The following ATXN1 variants were observed in gnomAD, a reference collection of about 807,000 sequenced individuals.
The protein encoded by ATXN1 is ataxin 1.
Under a neutral mutation model 56.4 loss-of-function variants are expected in ATXN1, and 8 were observed. The ratio of observed to expected loss-of-function variants is 0.14; its 90% CI spans 0.08 to 0.26. The LOEUF (loss-of-function observed/expected upper bound fraction) is 0.26. Ranked by LOEUF, ATXN1 falls within the 10% of genes least tolerant of loss-of-function variation. ATXN1 has a pLI of 1.00. For synonymous variants in ATXN1, 514 were observed against 494.6 expected, an observed-to-expected ratio of 1.04 and a Z score of -0.52; for missense variants, 987 against 1,106.5, an observed-to-expected ratio of 0.89 and a Z score of 1.53.
At chr6:16,529,642 A>T (rs902514166) in intron 4 of ATXN1, among the ~76,000 whole-genome samples, 1 of 152,074 alleles carries the variant, frequency 6.6e-6, no homozygotes, top group Non-Finnish European at 1.5e-5. Context: ...ATTTTATCCA[A>T]CTTTTTTCAT....
At chr6:16,622,195 G>A (rs1763330683) in intron 3 of ATXN1, among the ~76,000 whole-genome samples, 1 of 152,162 alleles carries the variant, frequency 6.6e-6, no homozygotes, top group South Asian at 2.1e-4. Context: ...GTATGTGTAA[G>A]TGCAATAAGG....
chr6:16,449,896 G>T (rs1180168030), intron 6 of ATXN1, among the ~76,000 whole-genome samples: 1 of 152,238 alleles, frequency 6.6e-6, no homozygotes, highest in Admixed American at 6.5e-5. Flanking sequence ...GGAAACTGAA[G>T]TTAAAGAAGA....
chr6:16,474,148 T>C (rs920009679), intron 6 of ATXN1, among the ~76,000 whole-genome samples: 3 of 152,260 alleles, frequency 2.0e-5, no homozygotes, highest in East Asian at 1.9e-4. Context: ...CAACATGCCA[T>C]GTTCTCTCTT....
intron 2 of ATXN1, among the ~76,000 whole-genome samples, chr6:16,672,509 C>T (rs997637932): frequency 6.6e-6 from 1 of 152,042 alleles, no homozygotes; most frequent in African/African-American, 2.4e-5. Context: ...GTGGTAAAAG[C>T]GATTTCACAG....
chr6:16,408,165 T>A (rs1758724183), intron 6 of ATXN1, among the ~76,000 whole-genome samples: 1 of 152,022 alleles, frequency 6.6e-6, no homozygotes, highest in African/African-American at 2.4e-5. Flanking sequence ...AAGAGAACTT[T>A]CACCACTCAG....
At chr6:16,430,724 C>CGT (rs1292127839) in intron 6 of ATXN1, among the ~76,000 whole-genome samples, 5 of 146,630 alleles carry the variant, frequency 3.4e-5, no homozygotes, top group Admixed American at 2.7e-4. Context: ...TGTGTGTGTG[C>CGT]GCGTGTGTGT....
chr6:16,651,452 G>A (rs935704276), intron 3 of ATXN1, among the ~76,000 whole-genome samples: 1 of 151,906 alleles, frequency 6.6e-6, no homozygotes, highest in African/African-American at 2.4e-5. Flanking sequence ...GCTGAGGCAG[G>A]AGAATCCCTT....
chr6:16,381,978 G>A (rs1672402682), intron 6 of ATXN1, among the ~76,000 whole-genome samples: 1 of 152,172 alleles, frequency 6.6e-6, no homozygotes, highest in Non-Finnish European at 1.5e-5. Flanking sequence ...TATTCAAATA[G>A]ATAAAAACAT....
intron 4 of ATXN1, among the ~76,000 whole-genome samples, chr6:16,545,853 T>A (rs1761805331): frequency 6.6e-6 from 1 of 152,252 alleles, no homozygotes; most frequent in Non-Finnish European, 1.5e-5. Flanking sequence ...AGATTTATTT[T>A]AAAGTACTCT....
At position 16,514,960 on chromosome 6, in the gene ATXN1, C is replaced by T. The variant is rs1323461954; in HGVS notation, c.-299+7667G>A. Among the ~76,000 whole-genome samples the T allele has an allele frequency of 4.0e-5, 6 of 151,326 alleles. No individual in the cohort carries two copies. In the East Asian group the frequency reaches 7.8e-4, roughly 20 times the overall value. ...ATCACGCCACTGCACTCCAGCCTGG[C>T]GACAGAGCGAGGCTCTGTCTCAAAA... On this transcript the variant is annotated intron_variant, in intron 5 of 7. Coordinates refer to ENST00000436367, the MANE Select transcript of ATXN1 (RefSeq NM_001128164.2).
At chr6:16,442,225 G>A (rs184037269) in intron 6 of ATXN1, among the ~76,000 whole-genome samples, 5 of 152,178 alleles carry the variant, frequency 3.3e-5, no homozygotes, top group Non-Finnish European at 7.4e-5. Flanking sequence ...CAGCCAAAAT[G>A]ATCTTCCAGC....
At chr6:16,759,659 C>T (rs1263881827) in intron 1 of ATXN1, among the ~76,000 whole-genome samples, 2 of 150,938 alleles carry the variant, frequency 1.3e-5, no homozygotes, top group Non-Finnish European at 2.9e-5. Flanking sequence ...ACAGAGCAGC[C>T]ACGGGCTCGA....
intron 6 of ATXN1, among the ~76,000 whole-genome samples, chr6:16,337,788 C>T (rs1761156166): frequency 6.6e-6 from 1 of 152,196 alleles, no homozygotes; most frequent in Non-Finnish European, 1.5e-5. Flanking sequence ...TGGTTCTCAT[C>T]CCAGTCCAGA....
At chr6:16,589,895 A>G (rs236978) in intron 3 of ATXN1, among the ~76,000 whole-genome samples, 110,672 of 152,104 alleles carry the variant, frequency 0.73, 40,578 homozygotes, top group Admixed American at 0.82. Flanking sequence ...ATCCGTTGCA[A>G]CTGAAGGACT....
chr6:16,318,342 T>C (rs1760563172), intron 7 of ATXN1, among the ~76,000 whole-genome samples: 1 of 152,202 alleles, frequency 6.6e-6, no homozygotes, highest in Non-Finnish European at 1.5e-5. Flanking sequence ...TCAGTAAGTA[T>C]GTCTTGTTTT....
chr6:16,405,362 A>C (rs922411972), intron 6 of ATXN1, among the ~76,000 whole-genome samples: 1 of 152,244 alleles, frequency 6.6e-6, no homozygotes, highest in Non-Finnish European at 1.5e-5. Context: ...TCTGTATTTT[A>C]TCCTAAAGAC....
chr6:16,394,051 A>C (rs9383156), intron 6 of ATXN1, among the ~76,000 whole-genome samples: 10,133 of 152,142 alleles, frequency 0.067, 454 homozygotes, highest in Admixed American at 0.14. Context: ...GTAAGTTAAC[A>C]ATTCTGAAAT....
intron 3 of ATXN1, among the ~76,000 whole-genome samples, chr6:16,588,971 T>G (rs956069560): frequency 6.6e-6 from 1 of 152,100 alleles, no homozygotes; most frequent in Non-Finnish European, 1.5e-5. Flanking sequence ...CAGCCGGGTC[T>G]CTCCTCCTGC....
chr6:16,511,056 C>G (rs963232177), intron 5 of ATXN1, among the ~76,000 whole-genome samples: 7 of 152,206 alleles, frequency 4.6e-5, no homozygotes, highest in Non-Finnish European at 1.0e-4. Flanking sequence ...GATTTATCCT[C>G]ACTTGATGTA....
Sources: allele counts gnomAD v4.1 joint callset (sites outside exome capture counted in the v4.1 genomes callset), GRCh38; gene constraint gnomAD v4.1.1; transcripts MANE v1.5; gene names NCBI Gene and HGNC (gene_info 2026-07-23, HGNC 2026-07-21).